KALRN: variants seen among roughly 807,000 people sequenced by gnomAD.
KALRN encodes the protein kalirin RhoGEF kinase.
In KALRN, 70 loss-of-function variants were observed where a neutral mutation model predicts 353.7. The observed-to-expected ratio is 0.20, with a 90% CI of 0.16 to 0.24. The LOEUF (loss-of-function observed/expected upper bound fraction) is 0.24. Among genes scored for constraint, KALRN ranks in the 10% least tolerant of loss-of-function variants. The pLI, the probability that KALRN is intolerant of heterozygous loss-of-function variation, is 1.00. For missense variants in KALRN, 2,791 were observed against 3,756.7 expected (o/e 0.74, Z 6.72); for synonymous variants, 1,391 against 1,434.8 (o/e 0.97, Z 0.69).
chr3:124,167,974 A>G (rs1199570184), intron 1 of KALRN, among the ~76,000 whole-genome samples: 1 of 152,034 alleles, frequency 6.6e-6, no homozygotes, highest in Non-Finnish European at 1.5e-5. Context: ...CTCAGATGAG[A>G]GTTGTATAGT....
intron 5 of KALRN, among the ~76,000 whole-genome samples, chr3:124,282,730 G>T (rs76044390): frequency 6.6e-6 from 1 of 152,118 alleles, no homozygotes; most frequent in Non-Finnish European, 1.5e-5. Context: ...CATTTACCTT[G>T]GTCCTCTGGC....
intron 34 of KALRN, among the ~76,000 whole-genome samples, chr3:124,609,204 T>A (rs946450321): frequency 1.3e-5 from 2 of 151,754 alleles, no homozygotes; most frequent in African/African-American, 4.8e-5. Flanking sequence ...TTTCCTCAAT[T>A]TTTTTTTTCC....
intron 26 of KALRN, 94 bp downstream of exon 26, chr3:124,474,826 C>T: frequency 5.1e-6 from 5 of 979,348 alleles, no homozygotes; most frequent in Non-Finnish European, 8.3e-6. Flanking sequence ...CAGTCTCACA[C>T]AAGACCAGGG....
In KALRN at chr3:124,268,899, C is replaced by G. The variant is rs776366541; in HGVS notation, c.613C>G (p.Arg205Gly). The G allele has an allele frequency of 1.2e-6, 2 of 1,613,970 alleles. No individual in the cohort carries two copies. The highest frequency in any genetic ancestry group is 2.2e-5 in the East Asian group (1 of 44,886). Residue 205 changes from arginine (R) to glycine (G), a missense_variant, in exon 5 of 60, where the codon CGC (arginine) becomes GGC (glycine). Physicochemically the swap from Arg to Gly is moderately radical, Grantham distance 125 (BLOSUM62 -2). Around this residue, in one of 11 missense-constraint regions of KALRN, gnomAD observed 366 missense variants for 489.2 expected, o/e 0.75. Coordinates refer to ENST00000682506, the MANE Select transcript of KALRN (RefSeq NM_001388419.1). The stretch of plus-strand genomic sequence containing the variant: ...CAACAGCGCCGTGCACCTGCTCTCG[C>G]GCCTCGAGGACCTCCAGGAGATGCT... Reference protein sequence around the residue: ...FFNSAVHLLSRLEDLQEMLAR... With the variant: ...FFNSAVHLLSGLEDLQEMLAR...
intron 6 of KALRN, among the ~76,000 whole-genome samples, chr3:124,320,412 C>T (rs1435472463): frequency 6.6e-6 from 1 of 152,208 alleles, no homozygotes; most frequent in Non-Finnish European, 1.5e-5. Context: ...TTGTTCTTTG[C>T]AGAGATGAAA....
intron 1 of KALRN, among the ~76,000 whole-genome samples, chr3:124,200,074 G>A (rs536268741): frequency 6.6e-6 from 1 of 152,318 alleles, no homozygotes; most frequent in Non-Finnish European, 1.5e-5. Flanking sequence ...GAAGGTGGGT[G>A]GCTGCAGCAG....
chr3:124,517,106 A>G (rs1308611597), intron 33 of KALRN, among the ~76,000 whole-genome samples: 2 of 152,140 alleles, frequency 1.3e-5, no homozygotes, highest in East Asian at 1.9e-4. Context: ...GTGAGCCACC[A>G]TGCCCGGCCG....
At chr3:124,604,731 G>A (rs1048070932) in intron 34 of KALRN, among the ~76,000 whole-genome samples, 4 of 151,948 alleles carry the variant, frequency 2.6e-5, no homozygotes, top group African/African-American at 9.7e-5. Context: ...CTGTCACCCA[G>A]ACTGGAATGC....
At chr3:124,668,043 G>GACACACACACACACACAC (rs55672121) in intron 47 of KALRN, among the ~76,000 whole-genome samples, 10 of 138,314 alleles carry the variant, frequency 7.2e-5, no homozygotes, top group Admixed American at 1.5e-4. Context: ...TGTATATCGA[G>GACACACACACACACACAC]ACACACACAC....
chr3:124,423,083 C>A, intron 15 of KALRN, 105 bp downstream of exon 15: 1 of 1,042,544 alleles, frequency 9.6e-7, no homozygotes, highest in South Asian at 1.7e-5. Flanking sequence ...ACAGGTGCCC[C>A]TTTAAGTAAC....
rs1281777932 is a variant in KALRN at position 124,287,805 on chromosome 3, A to G, written c.970-10986A>G. On this transcript the variant is annotated intron_variant, in intron 5 of 59. Coordinates refer to ENST00000682506, the MANE Select transcript of KALRN (RefSeq NM_001388419.1). ...TATATATATATATATATATATATATATATATATATATATATATATATGTAT... is the reference window on the plus strand; with the variant it reads ...TATATATATATATATATATATATATGTATATATATATATATATATATGTAT... Among the ~76,000 whole-genome samples the G allele has an allele frequency of 2.3e-3, 49 of 21,270 alleles. 2 individuals are homozygous for G. In the South Asian group the frequency reaches 0.13, roughly 55 times the overall value. 14.0% of individuals were successfully genotyped at this position (21,270 alleles called of 152,430 possible).
intron 59 of KALRN, 38 bp from the exon 60 acceptor site, chr3:124,718,887 T>A (rs1282018881): frequency 6.3e-7 from 1 of 1,596,064 alleles, no homozygotes; most frequent in East Asian, 2.2e-5. Context: ...AGGCCTAAAC[T>A]TCCCTTCTTT....
intron 33 of KALRN, among the ~76,000 whole-genome samples, chr3:124,560,832 G>T (rs1215075184): frequency 6.6e-6 from 1 of 152,164 alleles, no homozygotes; most frequent in Non-Finnish European, 1.5e-5. Flanking sequence ...AGCCAAGATT[G>T]CACCACTGCA....
At chr3:124,575,482 A>C (rs1366420853) in intron 34 of KALRN, among the ~76,000 whole-genome samples, 1 of 152,142 alleles carries the variant, frequency 6.6e-6, no homozygotes, top group African/African-American at 2.4e-5. Context: ...TTCATCTCCT[A>C]TGTATTCATT....
At chr3:124,429,202 C>T (rs1379981099) in intron 15 of KALRN, among the ~76,000 whole-genome samples, 2 of 152,234 alleles carry the variant, frequency 1.3e-5, no homozygotes, top group African/African-American at 4.8e-5. Context: ...CATCTACAAT[C>T]TGCTAGCTTG....
intron 1 of KALRN, among the ~76,000 whole-genome samples, chr3:124,169,927 T>G (rs1377830525): frequency 6.6e-6 from 1 of 152,074 alleles, no homozygotes; most frequent in Non-Finnish European, 1.5e-5. Flanking sequence ...TCAGTCCGAG[T>G]GTAGGATCAG....
chr3:124,462,529 C>T lies in KALRN; in HGVS notation c.3927C>T (p.Tyr1309=), dbSNP rs1298584786. ...AAACTGTTACTGTCTTACAGACCTA[C>T]CTGTGGGAAATGACCAGTGGTGTGG... ...VRDLHECLET[Y]LWEMTSGVEE... The change falls in exon 25 of 60, where the codon TAC becomes TAT. Residue 1309 remains tyrosine, a synonymous_variant. Coordinates refer to ENST00000682506, the MANE Select transcript of KALRN (RefSeq NM_001388419.1). 15 of 1,595,696 alleles carry T rather than the reference C, an allele frequency of 9.4e-6. No homozygotes were observed. Among genetic ancestry groups the T allele is most frequent in the Non-Finnish European group, 1.3e-5 (15 of 1,163,342 alleles).
chr3:124,532,822 A>T (rs2068158534), intron 33 of KALRN, among the ~76,000 whole-genome samples: 2 of 152,170 alleles, frequency 1.3e-5, no homozygotes, highest in Admixed American at 6.5e-5. Flanking sequence ...AAAAGAAAAA[A>T]ACTGTTTCCT....
At chr3:124,058,559 A>G (rs2041751154) in intron 1 of KALRN, among the ~76,000 whole-genome samples, 1 of 152,122 alleles carries the variant, frequency 6.6e-6, no homozygotes. Flanking sequence ...TTCTTTCTCA[A>G]GCTTGAAAGT....
Sources: allele counts gnomAD v4.1 joint callset (sites outside exome capture counted in the v4.1 genomes callset), GRCh38; gene constraint gnomAD v4.1.1; regional missense constraint gnomAD v4.1.1; transcripts MANE v1.5; gene names NCBI Gene and HGNC (gene_info 2026-07-23, HGNC 2026-07-21).